The following TFR2 variants were observed in gnomAD, a reference collection of about 807,000 sequenced individuals.
The protein encoded by TFR2 is transferrin receptor 2, also known as transferrin receptor protein 2.
TFR2 carries 64 observed loss-of-function variants against 91.9 expected under a neutral mutation model. The observed-to-expected ratio is 0.70, with a 90% CI of 0.57 to 0.86. The LOEUF is 0.86. Among genes scored for constraint, TFR2 ranks in the 40% least tolerant of loss-of-function variants. The pLI is 0.00. For missense variants in TFR2, 950 were observed against 1,080.5 expected, an observed-to-expected ratio of 0.88 and a Z score of 1.69; for synonymous variants, 454 against 459.6, an observed-to-expected ratio of 0.99 and a Z score of 0.15.
In TFR2 at chr7:100,627,456, C is replaced by T. The variant is rs1803297979; in HGVS notation, c.1803G>A (p.Glu601=). The T allele has an allele frequency of 6.2e-7, 1 of 1,602,888 alleles. No individual in the cohort carries two copies. ...CCTTATGCAGGTTCTCATAAGTGTC[C>T]TCCTTTGTGTGCAGGAATGGGTAGG... ...DQAYPFLHTK[E]DTYENLHKVL... is the part of the protein sequence containing the mutation. Residue 601 remains glutamate, a synonymous_variant, in exon 16 of 18, where the codon GAG becomes GAA. Coordinates refer to ENST00000223051, the MANE Select transcript of TFR2 (RefSeq NM_003227.4).
chr7:100,627,359 T>G lies in TFR2; in HGVS notation c.1900A>C (p.Ser634Arg). The change falls in exon 16 of 18, where the codon AGC becomes CGC. Residue 634 changes from serine to arginine, a missense_variant. Coordinates refer to ENST00000223051, the MANE Select transcript of TFR2 (RefSeq NM_003227.4). ...TCGAGGGGCAGCAGGCGATCGTGGCTGAGCCGGATGAGGAGCTGCCCTGCG... is the reference window on the plus strand; with the variant it reads ...TCGAGGGGCAGCAGGCGATCGTGGCGGAGCCGGATGAGGAGCTGCCCTGCG... ...QLAGQLLIRL[S>R]HDRLLPLDFG... The G allele has an allele frequency of 6.4e-7, 1 of 1,552,830 alleles. No individual in the cohort carries two copies. The highest frequency in any genetic ancestry group is 2.4e-5 in the East Asian group (1 of 41,092).
At chr7:100,623,134 G>A (rs1584453205) in intron 17 of TFR2, among the ~76,000 whole-genome samples, 1 of 152,060 alleles carries the variant, frequency 6.6e-6, no homozygotes, top group Admixed American at 6.6e-5. Context: ...TTAGCTGGGT[G>A]TGGTGGCACA....
intron 10 of TFR2, 47 bp downstream of exon 10, chr7:100,629,206 G>A: frequency 6.2e-7 from 1 of 1,610,780 alleles, no homozygotes; most frequent in Non-Finnish European, 8.5e-7. Flanking sequence ...TCGGGCCACA[G>A]GCCCACCGCT....
intron 8 of TFR2, 53 bp from the exon 9 acceptor site, chr7:100,631,105 C>A: frequency 6.9e-7 from 1 of 1,453,560 alleles, no homozygotes; most frequent in Non-Finnish European, 9.1e-7. Flanking sequence ...CCAGAAGAGT[C>A]CAAATCACTC....
rs1474802769 is a variant in TFR2, at chr7:100,641,213, T to C, written c.49A>G (p.Arg17Gly). Residue 17 changes from arginine (R) to glycine (G), a missense_variant, in exon 2 of 18, where the codon AGA becomes GGA. Physicochemically the swap from Arg to Gly is moderately radical, Grantham distance 125. Transcript: ENST00000223051. The part of the protein sequence containing the change: ...LFQRAQQLSP[R>G]SSQTVYQRVE... ...CGCTGGTAGACGGTCTGAGAGGATC[T>C]TGGGGACAGTTGTTGCTGTGCAGGC... 9 of 1,535,630 alleles carry C rather than the reference T, an allele frequency of 5.9e-6. No homozygotes were observed. Among genetic ancestry groups the C allele is most frequent in the Admixed American group, 2.0e-5 (1 of 49,188 alleles).
intron 8 of TFR2, among the ~76,000 whole-genome samples, chr7:100,631,341 G>A (rs966821522): frequency 7.0e-6 from 1 of 143,796 alleles, no homozygotes; most frequent in East Asian, 2.0e-4. Flanking sequence ...AAAGAGTCAG[G>A]GTCCCGGCCA....
chr7:100,621,367 C>G (rs1243372573), intron 17 of TFR2, among the ~76,000 whole-genome samples: 1 of 152,210 alleles, frequency 6.6e-6, no homozygotes, highest in Non-Finnish European at 1.5e-5. Context: ...GATTCTCCTG[C>G]CTCAGCCTCC....
In TFR2 at chr7:100,627,161, G is replaced by A. The variant is rs1185440515; in HGVS notation, c.1995+103C>T. On this transcript the variant is annotated intron_variant, in intron 16 of 17. Transcript: ENST00000223051. The stretch of plus-strand genomic sequence containing the variant: ...GGGGTTAATGGGCTGGATTGCCAGA[G>A]AGGACCTAGACCCCAGGGAATGCAG... 5.1e-6 allele frequency: 7 copies of A among 1,369,034 alleles called. No individual in the cohort carries two copies. In the African/African-American group the frequency reaches 1.0e-4, roughly 20 times the overall value. 84.8% of individuals were successfully genotyped at this position (1,369,034 alleles called of 1,614,324 possible). A position where few individuals can be genotyped will look rare whatever the true frequency, so the allele number is the denominator to read the frequency against.
chr7:100,633,010 G>C lies in TFR2; in HGVS notation c.840C>G (p.Phe280Leu), dbSNP rs151198873. 693 of 1,613,734 alleles carry C rather than the reference G, an allele frequency of 4.3e-4. No individual in the cohort carries two copies. Among genetic ancestry groups the C allele is most frequent in the Admixed American group, 1.2e-3 (72 of 60,012 alleles). Residue 280 changes from phenylalanine (F) to leucine (L), a missense_variant, in exon 6 of 18, where the codon TTC becomes TTG. Phe to Leu is a conservative substitution (Grantham distance 22). Transcript: ENST00000223051. ...GTCCAGGGACACTTACCTTCTGGGC[G>C]AAGCTGATCACCCCCACGCGCACCA... is the stretch of plus-strand genomic sequence containing the variant. Reference protein sequence around the residue: ...LLLVRVGVISFAQKVTNAQDF... With the variant: ...LLLVRVGVISLAQKVTNAQDF...
chr7:100,631,194 G>T, intron 8 of TFR2, 142 bp from the exon 9 acceptor site: 3 of 978,676 alleles, frequency 3.1e-6, no homozygotes, highest in South Asian at 1.8e-5. Flanking sequence ...GGGCAGTGCA[G>T]TCAGGGCTGC....
chr7:100,640,371 C>T (rs955059495), intron 3 of TFR2: 21 of 365,952 alleles, frequency 5.7e-5, no homozygotes, highest in South Asian at 3.1e-4. Context: ...CAAATCTAGG[C>T]GCCTGGGTGA....
At chr7:100,635,327 C>T (rs778267694) in intron 3 of TFR2, among the ~76,000 whole-genome samples, 6 of 151,326 alleles carry the variant, frequency 4.0e-5, no homozygotes, top group Non-Finnish European at 7.4e-5. Flanking sequence ...CTGCAACCTT[C>T]AGCTCCTAAG....
At chr7:100,626,344 T>C (rs1803248129) in intron 17 of TFR2, 13 of 655,842 alleles carry the variant, frequency 2.0e-5, no homozygotes, top group Non-Finnish European at 2.1e-5. Context: ...AAAACAGCTC[T>C]CTTACTCTGA....
rs770202105 is a variant in TFR2, at chr7:100,628,295, G to A, written c.1402C>T (p.Arg468Cys). 45 of 1,613,832 alleles carry A rather than the reference G, an allele frequency of 2.8e-5. No homozygotes were observed. The highest frequency in any genetic ancestry group is 3.3e-5 in the Non-Finnish European group (39 of 1,179,940). Residue 468 changes from arginine (R) to cysteine (C), a missense_variant, in exon 11 of 18, where the codon CGC (arginine) becomes TGC (cysteine). Coordinates refer to ENST00000223051, the MANE Select transcript of TFR2 (RefSeq NM_003227.4). Reference protein sequence around the residue: ...SSMVSNGFRPRRSLLFISWDG... With the variant: ...SSMVSNGFRPCRSLLFISWDG... ...CAGCTGATGAAGAGGAGACTTCTGCGGGGCCGGAAGCCTGGGGACAGAGGG... is the reference window on the plus strand; with the variant it reads ...CAGCTGATGAAGAGGAGACTTCTGCAGGGCCGGAAGCCTGGGGACAGAGGG...
intron 3 of TFR2, chr7:100,633,774 TCTCGG>T: frequency 1.5e-6 from 1 of 680,910 alleles, no homozygotes; most frequent in South Asian, 2.8e-5. Flanking sequence ...AGTGGACCAA[TCTCGG>T]CTCTCTGCAA....
chr7:100,640,541 T>C (rs1803675563), intron 3 of TFR2, 145 bp downstream of exon 3: 1 of 905,040 alleles, frequency 1.1e-6, no homozygotes, highest in African/African-American at 1.7e-5. Context: ...CCAGGACCGC[T>C]GAACAGGGGG....
chr7:100,627,138 G>A, intron 16 of TFR2, 126 bp downstream of exon 16: 1 of 1,273,188 alleles, frequency 7.9e-7, no homozygotes, highest in Non-Finnish European at 1.1e-6. Context: ...GGAGGCAGGG[G>A]GTTAATGGGC....
chr7:100,633,349 C>A lies in TFR2; in HGVS notation c.615-9G>T. The A allele has an allele frequency of 1.2e-6, 2 of 1,611,490 alleles. No individual in the cohort carries two copies. The highest frequency in any genetic ancestry group is 1.1e-5 in the South Asian group (1 of 91,026). ...GGGTGTTGGGGTGAGCCCTGGGGAGCGGGGCTGGTGAGCGCCCCGAGCCGC... is the reference window on the plus strand; with the variant it reads ...GGGTGTTGGGGTGAGCCCTGGGGAGAGGGGCTGGTGAGCGCCCCGAGCCGC... On this transcript the variant is annotated splice_polypyrimidine_tract_variant and intron_variant, in intron 4 of 17. Transcript: ENST00000223051.
intron 9 of TFR2, among the ~76,000 whole-genome samples, chr7:100,629,643 A>G (rs971687337): frequency 3.3e-5 from 5 of 152,066 alleles, no homozygotes; most frequent in African/African-American, 1.2e-4. Context: ...CTGCAGCTTC[A>G]AACTCCCTGG....
Sources: allele counts gnomAD v4.1 joint callset (sites outside exome capture counted in the v4.1 genomes callset), GRCh38; gene constraint gnomAD v4.1.1; transcripts MANE v1.5; gene names NCBI Gene and HGNC (gene_info 2026-07-23, HGNC 2026-07-21).